Variants in MBLAC2 observed in about 807,000 individuals in gnomAD.
MBLAC2 encodes the protein acyl-coenzyme A thioesterase MBLAC2.
Under a neutral mutation model 23.3 loss-of-function variants are expected in MBLAC2, and 24 were observed. That is an observed-to-expected ratio of 1.03 (90% confidence interval 0.75 to 1.45). The LOEUF (loss-of-function observed/expected upper bound fraction) is 1.45. Ranked by LOEUF, MBLAC2 falls within the 40% of genes most tolerant of loss-of-function variation. MBLAC2 has a pLI of 0.00. For synonymous variants in MBLAC2, 162 were observed against 150.9 expected, an observed-to-expected ratio of 1.07 and a Z score of -0.54; for missense variants, 358 against 370.0, an observed-to-expected ratio of 0.97 and a Z score of 0.27.
chr5:90,466,371 T>G (rs1459295066), intron 1 of MBLAC2, among the ~76,000 whole-genome samples: 1 of 152,194 alleles, frequency 6.6e-6, no homozygotes, highest in Non-Finnish European at 1.5e-5. Flanking sequence ...TCACAGAAAT[T>G]AACTGAAAAT....
In MBLAC2 at chr5:90,474,030, T is replaced by G. The variant is rs1580185036; in HGVS notation, c.263A>C (p.His88Pro). 1 of 1,591,778 alleles carries G rather than the reference T, an allele frequency of 6.3e-7. No individual in the cohort carries two copies. Among genetic ancestry groups the G allele is most frequent in the Non-Finnish European group, 8.5e-7 (1 of 1,170,684 alleles). Residue 88 changes from histidine to proline, a missense_variant, in exon 1 of 2, where the codon CAC (histidine) becomes CCC (proline). Physicochemically the swap from His to Pro is moderately conservative, Grantham distance 77. Coordinates refer to ENST00000316610, the MANE Select transcript of MBLAC2 (RefSeq NM_203406.2). ...LAVATHVHFD[H>P]SGGLYQFDRV... is the part of the protein sequence containing the mutation. Reference sequence around the variant, plus strand: ...GTCGAACTGGTAGAGGCCGCCGGAGTGGTCGAAGTGCACGTGGGTGGCCAC... The same window carrying G: ...GTCGAACTGGTAGAGGCCGCCGGAGGGGTCGAAGTGCACGTGGGTGGCCAC...
chr5:90,473,566 G>C, intron 1 of MBLAC2: 1 of 646,290 alleles, frequency 1.5e-6, no homozygotes, highest in Non-Finnish European at 2.7e-6. Flanking sequence ...AGCCGATGCA[G>C]GAAAGTGGCT....
intron 1 of MBLAC2, 98 bp downstream of exon 1, chr5:90,473,741 C>T: frequency 8.3e-7 from 1 of 1,209,920 alleles, no homozygotes; most frequent in East Asian, 2.5e-5. Context: ...CAAAATAATC[C>T]CCTTTATGGC....
chr5:90,460,228 G>A lies in MBLAC2; in HGVS notation c.*939C>T, dbSNP rs985778200. The A allele has an allele frequency of 1.4e-4, 22 of 152,544 alleles. No individual in the cohort carries two copies. Among genetic ancestry groups the A allele is most frequent in the Non-Finnish European group, 4.4e-5 (3 of 67,964 alleles). 9.4% of individuals were successfully genotyped at this position (152,544 alleles called of 1,614,324 possible). A position where few individuals can be genotyped will look rare whatever the true frequency, so the allele number is the denominator to read the frequency against. On this transcript the variant is annotated 3_prime_UTR_variant, in exon 2 of 2. Coordinates refer to ENST00000316610, the MANE Select transcript of MBLAC2 (RefSeq NM_203406.2). ...TTAAAAATCCCTCTGTAGTACATATGCATGTTAAGTAAAAGAATAGCTGCA... is the reference window on the plus strand; with the variant it reads ...TTAAAAATCCCTCTGTAGTACATATACATGTTAAGTAAAAGAATAGCTGCA...
At chr5:90,470,467 T>C (rs1294133912) in intron 1 of MBLAC2, among the ~76,000 whole-genome samples, 1 of 152,016 alleles carries the variant, frequency 6.6e-6, no homozygotes, top group Admixed American at 6.6e-5. Context: ...TAATTACAAC[T>C]ATTAGGTATC....
At chr5:90,464,572 G>C (rs987784469) in intron 1 of MBLAC2, among the ~76,000 whole-genome samples, 2 of 151,820 alleles carry the variant, frequency 1.3e-5, no homozygotes, top group African/African-American at 2.4e-5. Flanking sequence ...ACAACAAAGG[G>C]AGACTCTTTC....
chr5:90,463,727 T>C (rs764918575), intron 1 of MBLAC2, among the ~76,000 whole-genome samples: 10 of 152,120 alleles, frequency 6.6e-5, no homozygotes, highest in Admixed American at 2.0e-4. Flanking sequence ...TAAGTGTTAA[T>C]AGAAATAATA....
rs1015748466 is a variant in MBLAC2, at chr5:90,474,442, T to C, written c.-150A>G. 4.3e-6 allele frequency: 3 copies of C among 701,154 alleles called. No individual in the cohort carries two copies. Among genetic ancestry groups the C allele is most frequent in the African/African-American group, 1.8e-5 (1 of 54,096 alleles). 43.4% of individuals were successfully genotyped at this position (701,154 alleles called of 1,614,324 possible). A position where few individuals can be genotyped will look rare whatever the true frequency, so the allele number is the denominator to read the frequency against. On this transcript the variant is annotated 5_prime_UTR_variant, in exon 1 of 2. Transcript: ENST00000316610. The stretch of plus-strand genomic sequence containing the variant: ...GAGGCGGGGGCGTGGGATGCGGGGG[T>C]CGGAATAGGAGGAGGAAGGACGCAG...
intron 1 of MBLAC2, among the ~76,000 whole-genome samples, chr5:90,463,318 T>C (rs1193518112): frequency 1.3e-5 from 2 of 152,228 alleles, no homozygotes; most frequent in African/African-American, 4.8e-5. Context: ...TTGCCAAGGC[T>C]GGCCTCAAGC....
At chr5:90,473,034 A>G (rs1750590603) in intron 1 of MBLAC2, 1 of 152,316 alleles carries the variant, frequency 6.6e-6, no homozygotes, top group Non-Finnish European at 1.5e-5. Context: ...CTGAGGCCCT[A>G]TTTATTTTCA....
At chr5:90,471,719 A>C (rs148128929) in intron 1 of MBLAC2, 1 of 152,310 alleles carries the variant, frequency 6.6e-6, no homozygotes, top group East Asian at 1.9e-4. Flanking sequence ...ACAAATTTTT[A>C]ATACAAATAT....
intron 1 of MBLAC2, among the ~76,000 whole-genome samples, chr5:90,470,873 T>G (rs987906738): frequency 1.3e-5 from 2 of 152,128 alleles, no homozygotes; most frequent in Admixed American, 1.3e-4. Context: ...TGTTTTACTA[T>G]CCCCAGAGAA....
rs758263561 is a variant in MBLAC2 at position 90,473,442 on chromosome 5, G to A, written c.454+397C>T. 2.6e-5 allele frequency: 14 copies of A among 543,922 alleles called. No homozygotes were observed. In the East Asian group the frequency reaches 3.6e-4, roughly 14 times the overall value. The allele number at this position is 543,922 out of a possible 1,614,324, so 33.7% of individuals were successfully genotyped here. A position where few individuals can be genotyped will look rare whatever the true frequency, so the allele number is the denominator to read the frequency against. ...TCATGACATGCACTCTCCGTGAGGG[G>A]TCATTCCTTAAAAGTCTGCTCACTA... is the stretch of plus-strand genomic sequence containing the variant. On this transcript the variant is annotated intron_variant, in intron 1 of 1. Transcript: ENST00000316610.
chr5:90,459,838 T>C lies in MBLAC2; in HGVS notation c.*1329A>G, dbSNP rs1225822287. 2 of 152,498 alleles carry C rather than the reference T, an allele frequency of 1.3e-5. No individual in the cohort carries two copies. The highest frequency in any genetic ancestry group is 1.3e-4 in the Admixed American group (2 of 15,264). The allele number at this position is 152,498 out of a possible 1,614,324, so 9.4% of individuals were successfully genotyped here. A position where few individuals can be genotyped will look rare whatever the true frequency, so the allele number is the denominator to read the frequency against. The stretch of plus-strand genomic sequence containing the variant: ...AATAAAAAACTAAAGAACCTGGGCA[T>C]CTGTAGGGTAGAAAAGTTTTGTAAT... On this transcript the variant is annotated 3_prime_UTR_variant, in exon 2 of 2. Transcript: ENST00000316610.
chr5:90,463,141 T>C lies in MBLAC2; in HGVS notation c.455-1589A>G, dbSNP rs964664158. On this transcript the variant is annotated intron_variant, in intron 1 of 1. Coordinates refer to ENST00000316610, the MANE Select transcript of MBLAC2 (RefSeq NM_203406.2). ...CTCTCTCGCCCCGGCTGGAGTGCAG[T>C]GGCGCAATCTTGGCTCACTGCAACC... 9.2e-5 allele frequency among the ~76,000 whole-genome samples: 14 copies of C among 152,390 alleles called. No individual in the cohort carries two copies. The East Asian group carries it at 2.5e-3, about 27-fold the overall frequency.
rs1324046864 is a variant in MBLAC2, at chr5:90,460,237, GT to G, written c.*929del. The G allele has an allele frequency of 3.3e-5, 5 of 152,514 alleles. No individual in the cohort carries two copies. The highest frequency in any genetic ancestry group is 1.2e-4 in the African/African-American group (5 of 41,446). The allele number at this position is 152,514 out of a possible 1,614,324, so 9.4% of individuals were successfully genotyped here. ...CCTCTGTAGTACATATGCATGTTAAGTAAAAGAATAGCTGCAGATCTTCATA... is the reference window on the plus strand; with the variant it reads ...CCTCTGTAGTACATATGCATGTTAAGAAAAGAATAGCTGCAGATCTTCATA... On this transcript the variant is annotated 3_prime_UTR_variant, in exon 2 of 2. Coordinates refer to ENST00000316610, the MANE Select transcript of MBLAC2 (RefSeq NM_203406.2).
At chr5:90,461,978 T>C (rs1750375786) in intron 1 of MBLAC2, among the ~76,000 whole-genome samples, 1 of 152,248 alleles carries the variant, frequency 6.6e-6, no homozygotes, top group Non-Finnish European at 1.5e-5. Context: ...ATGAAACTTT[T>C]ACTTTTCAGC....
In MBLAC2 at chr5:90,459,595, T is replaced by C. The variant is rs1195171352; in HGVS notation, c.*1572A>G. ...CCTAACCAAAGTTCACACCCCTCCA[T>C]TTATGTCCCTTACACGCATGTATAA... On this transcript the variant is annotated 3_prime_UTR_variant, in exon 2 of 2. Transcript: ENST00000316610. 6.6e-6 allele frequency: 1 copy of C among 152,132 alleles called. No homozygotes were observed. Among genetic ancestry groups the C allele is most frequent in the East Asian group, 1.9e-4 (1 of 5,206 alleles). 9.4% of individuals were successfully genotyped at this position (152,132 alleles called of 1,614,324 possible).
chr5:90,473,946 G>T lies in MBLAC2; in HGVS notation c.347C>A (p.Thr116Asn). The T allele has an allele frequency of 6.2e-7, 1 of 1,603,658 alleles. No individual in the cohort carries two copies. The highest frequency in any genetic ancestry group is 1.1e-5 in the South Asian group (1 of 89,150). ...EALARGDNFE[T>N]VTWLSDSEVV... The stretch of plus-strand genomic sequence containing the variant: ...CTCGCTATCGGAAAGCCAGGTCACG[G>T]TCTCAAAGTTGTCCCCGCGAGCCAG... The change falls in exon 1 of 2, where the codon ACC becomes AAC. Residue 116 changes from threonine to asparagine, a missense_variant. Physicochemically the swap from Thr to Asn is moderately conservative, Grantham distance 65. Transcript: ENST00000316610.
Sources: allele counts gnomAD v4.1 joint callset (sites outside exome capture counted in the v4.1 genomes callset), GRCh38; gene constraint gnomAD v4.1.1; transcripts MANE v1.5; gene names NCBI Gene and HGNC (gene_info 2026-07-23, HGNC 2026-07-21).